CXXC4: variants seen among roughly 807,000 people sequenced by gnomAD.
The protein encoded by CXXC4 is CXXC finger protein 4.
In CXXC4, 5 loss-of-function variants were observed where a neutral mutation model predicts 20.5. That is an observed-to-expected ratio of 0.24 (90% CI 0.13 to 0.51). CXXC4 has a LOEUF of 0.51. Among genes scored for constraint, CXXC4 ranks in the 20% least tolerant of loss-of-function variants. The pLI, the probability that CXXC4 is intolerant of heterozygous loss-of-function variation, is 0.97. For synonymous variants in CXXC4, 250 were observed against 216.4 expected (o/e 1.16, Z -1.36); for missense variants, 419 against 496.4 (o/e 0.84, Z 1.48).
intron 2 of CXXC4, among the ~76,000 whole-genome samples, chr4:104,477,145 TATGACAAAAC>T (rs1158648480): frequency 1.1e-4 from 17 of 152,112 alleles, no homozygotes; most frequent in African/African-American, 4.1e-4. Context: ...AGTGAATAAA[TATGACAAAAC>T]ATAATAATGG....
chr4:104,494,669 GGGTAAA>G (rs944176415), intron 1 of CXXC4, 26 bp downstream of exon 1: 2 of 145,606 alleles, frequency 1.4e-5, no homozygotes, highest in Non-Finnish European at 3.0e-5. Flanking sequence ...GGGGGGGGGG[GGGTAAA>G]TAAATATGCG....
intron 2 of CXXC4, among the ~76,000 whole-genome samples, chr4:104,473,310 A>G (rs1736324026): frequency 6.6e-6 from 1 of 151,878 alleles, no homozygotes; most frequent in Non-Finnish European, 1.5e-5. Context: ...ATGATATTCA[A>G]TGAAGCATAA....
chr4:104,469,432 T>C lies in CXXC4; in HGVS notation c.*2890A>G, dbSNP rs765758545. ...TTTTTTATTCAGTTTATCTGATATA[T>C]AATTATTAAGTTGTGTATAGCTGTC... On this transcript the variant is annotated 3_prime_UTR_variant, in exon 3 of 3. Coordinates refer to ENST00000394767, the MANE Select transcript of CXXC4 (RefSeq NM_025212.4). 1 of 152,108 alleles carries C rather than the reference T, an allele frequency of 6.6e-6. No individual in the cohort carries two copies. Among genetic ancestry groups the C allele is most frequent in the Non-Finnish European group, 1.5e-5 (1 of 67,986 alleles). 9.4% of individuals were successfully genotyped at this position (152,108 alleles called of 1,614,324 possible).
intron 2 of CXXC4, among the ~76,000 whole-genome samples, chr4:104,488,111 C>A (rs191201448): frequency 6.6e-6 from 1 of 152,124 alleles, no homozygotes; most frequent in Admixed American, 6.5e-5. Context: ...TTAATTGGCA[C>A]CCATAATTCA....
chr4:104,479,083 A>G (rs141391011), intron 2 of CXXC4, among the ~76,000 whole-genome samples: 26 of 152,238 alleles, frequency 1.7e-4, no homozygotes, highest in Admixed American at 8.5e-4. Context: ...GCATTAGGTG[A>G]GTTCATTGGT....
At chr4:104,484,088 A>G (rs867140512) in intron 2 of CXXC4, among the ~76,000 whole-genome samples, 2 of 152,026 alleles carry the variant, frequency 1.3e-5, no homozygotes, top group Admixed American at 6.5e-5. Flanking sequence ...TCTGAAAACT[A>G]TAAGTAACCT....
Position 104,491,098 on chromosome 4 carries a change from A to T in CXXC4, c.705T>A (p.Thr235=). 6.2e-7 allele frequency: 1 copy of T among 1,614,122 alleles called. No individual in the cohort carries two copies. Among genetic ancestry groups the T allele is most frequent in the Middle Eastern group, 1.6e-4 (1 of 6,062 alleles). Residue 235 remains threonine (T), a synonymous_variant, in exon 2 of 3, where the codon ACT becomes ACA. Transcript: ENST00000394767. The part of the protein sequence containing the change: ...EIMNLPERVG[T]FSAIPALGGI... ...CCCCTAAAGCCGGGATAGCGGAAAA[A>T]GTCCCCACGCGCTCGGGGAGATTCA...
intron 2 of CXXC4, among the ~76,000 whole-genome samples, chr4:104,488,793 A>G (rs1439845572): frequency 6.6e-6 from 1 of 152,216 alleles, no homozygotes; most frequent in Non-Finnish European, 1.5e-5. Context: ...CAGAAAACCT[A>G]TTGGTACTCA....
At chr4:104,477,948 A>G (rs1736456310) in intron 2 of CXXC4, among the ~76,000 whole-genome samples, 1 of 152,196 alleles carries the variant, frequency 6.6e-6, no homozygotes, top group Non-Finnish European at 1.5e-5. Context: ...ATTAAAAACA[A>G]CTTTCAACAT....
chr4:104,483,521 T>C (rs1412421460), intron 2 of CXXC4, among the ~76,000 whole-genome samples: 2 of 152,082 alleles, frequency 1.3e-5, no homozygotes, highest in Admixed American at 1.3e-4. Context: ...ACAGAAAAAC[T>C]TCATGTAGCT....
chr4:104,481,919 T>G (rs570289838), intron 2 of CXXC4, among the ~76,000 whole-genome samples: 4 of 152,352 alleles, frequency 2.6e-5, no homozygotes, highest in South Asian at 4.1e-4. Context: ...CTTGTTAACA[T>G]TGTTCAAATA....
In CXXC4 at chr4:104,469,358, C is replaced by T. The variant is rs767616197; in HGVS notation, c.*2964G>A. 6.6e-6 allele frequency: 1 copy of T among 152,150 alleles called. No individual in the cohort carries two copies. The highest frequency in any genetic ancestry group is 2.4e-5 in the African/African-American group (1 of 41,536). 9.4% of individuals were successfully genotyped at this position (152,150 alleles called of 1,614,324 possible). On this transcript the variant is annotated 3_prime_UTR_variant, in exon 3 of 3. Coordinates refer to ENST00000394767, the MANE Select transcript of CXXC4 (RefSeq NM_025212.4). Reference sequence around the variant, plus strand: ...TGGCAGATTATGGCATCTCTCTATCCACGCCTAGGGAGGACAAGATCCTGT... The same window carrying T: ...TGGCAGATTATGGCATCTCTCTATCTACGCCTAGGGAGGACAAGATCCTGT...
chr4:104,493,352 A>G (rs974493429), intron 1 of CXXC4, among the ~76,000 whole-genome samples: 5 of 152,174 alleles, frequency 3.3e-5, no homozygotes, highest in African/African-American at 4.8e-5. Context: ...AAGCCCATAG[A>G]TTGGTCTAGA....
At chr4:104,490,146 T>C (rs1736803742) in intron 2 of CXXC4, among the ~76,000 whole-genome samples, 2 of 152,212 alleles carry the variant, frequency 1.3e-5, no homozygotes, top group Non-Finnish European at 2.9e-5. Context: ...TCTCCAAAAA[T>C]ATCAGATACG....
chr4:104,483,070 T>C (rs1736595446), intron 2 of CXXC4, among the ~76,000 whole-genome samples: 1 of 152,036 alleles, frequency 6.6e-6, no homozygotes, highest in Non-Finnish European at 1.5e-5. Context: ...TTAGTTACAC[T>C]TTGGAATTAT....
At chr4:104,472,426 A>T in intron 2 of CXXC4, 60 bp from the exon 3 acceptor site, 1 of 1,272,962 alleles carries the variant, frequency 7.9e-7, no homozygotes, top group Non-Finnish European at 1.1e-6. Context: ...ATAAAATTAG[A>T]TTTTTCTCCT....
rs1736828493 is a variant in CXXC4 at position 104,490,883 on chromosome 4, C to T, written c.920G>A (p.Arg307Lys). Residue 307 changes from arginine (R) to lysine (K), a missense_variant, in exon 2 of 3, where the codon AGG (arginine) becomes AAG (lysine). Physicochemically the swap from Arg to Lys is conservative, Grantham distance 26. This residue lies in a region of CXXC4 where 15 missense variants were observed against 63.0 expected (regional missense o/e 0.24). Coordinates refer to ENST00000394767, the MANE Select transcript of CXXC4 (RefSeq NM_025212.4). ...CTTGCAGGGCACGCAGACCCCACAC[C>T]TTTTCCTCTTCTTCTTGGCTGGGTT... ...GANPAKKKRKRCGVCVPCKRL... is the reference protein window; with the variant it reads ...GANPAKKKRKKCGVCVPCKRL... 1 of 1,614,082 alleles carries T rather than the reference C, an allele frequency of 6.2e-7. No individual in the cohort carries two copies. The highest frequency in any genetic ancestry group is 1.7e-5 in the Admixed American group (1 of 60,010).
intron 2 of CXXC4, among the ~76,000 whole-genome samples, chr4:104,487,077 G>A (rs7666735): frequency 0.021 from 3,173 of 152,052 alleles, 107 homozygotes; most frequent in African/African-American, 0.071. Context: ...CTGTACATTC[G>A]GCAGATAGAT....
At chr4:104,476,629 T>A (rs1053668223) in intron 2 of CXXC4, among the ~76,000 whole-genome samples, 1 of 151,832 alleles carries the variant, frequency 6.6e-6, no homozygotes, top group Non-Finnish European at 1.5e-5. Context: ...ATTGAGATCA[T>A]GATTATGATA....
Sources: gnomAD v4.1 joint callset for allele counts (sites outside exome capture counted in the v4.1 genomes callset) on GRCh38, gnomAD v4.1.1 for gene constraint, gnomAD v4.1.1 regional missense constraint, MANE v1.5 for transcripts, NCBI Gene and HGNC (gene_info 2026-07-23, HGNC 2026-07-21) for gene names.